Variants in NBAS observed in about 807,000 individuals in gnomAD.
NBAS encodes NAG/BC035112 fusion.
A neutral mutation model predicts 302.5 loss-of-function variants in NBAS; 219 were observed. The ratio of observed to expected loss-of-function variants is 0.72; its 90% CI spans 0.65 to 0.81. The LOEUF (loss-of-function observed/expected upper bound fraction) is 0.81. Ranked by LOEUF, NBAS falls within the 30% of genes least tolerant of loss-of-function variation. NBAS has a pLI of 0.00. For synonymous variants in NBAS, 1,118 were observed against 1,021.6 expected, an observed-to-expected ratio of 1.09 and a Z score of -1.80; for missense variants, 2,932 against 2,841.6, an observed-to-expected ratio of 1.03 and a Z score of -0.72.
chr2:15,412,019 C>T (rs777218251), intron 25 of NBAS, among the ~76,000 whole-genome samples: 2 of 151,960 alleles, frequency 1.3e-5, no homozygotes, highest in Admixed American at 6.6e-5. Context: ...GAAAGGAGTG[C>T]TTTAAGATAC....
the NBAS span, among the ~76,000 whole-genome samples, chr2:14,900,358 T>C: frequency 0.24 from 36,318 of 152,024 alleles, 4,513 homozygotes; most frequent in Non-Finnish European, 0.27. Flanking sequence ...CTGTTTCAGC[T>C]GTATTAAAAG....
At chr2:15,417,049 G>A (rs535457792) in intron 24 of NBAS, among the ~76,000 whole-genome samples, 72 of 152,258 alleles carry the variant, frequency 4.7e-4, no homozygotes, top group Non-Finnish European at 9.4e-4. Flanking sequence ...GTACAAATAA[G>A]GTTCTAATTT....
At chr2:14,824,854 A>G in the NBAS span, among the ~76,000 whole-genome samples, 2 of 152,044 alleles carry the variant, frequency 1.3e-5, no homozygotes, top group Non-Finnish European at 2.9e-5. Context: ...AATTCCACCA[A>G]GCAGTGAGGG....
the NBAS span, among the ~76,000 whole-genome samples, chr2:14,900,064 T>G: frequency 0.24 from 35,963 of 151,072 alleles, 4,434 homozygotes; most frequent in Non-Finnish European, 0.27. Flanking sequence ...CAAAAAGTGG[T>G]TAGAAAGAAT....
At chr2:15,205,827 C>A (rs1222189706) in intron 48 of NBAS, among the ~76,000 whole-genome samples, 1 of 152,142 alleles carries the variant, frequency 6.6e-6, no homozygotes, top group Non-Finnish European at 1.5e-5. Context: ...TTCTCCTTTA[C>A]CTTCTGTCAT....
At chr2:15,325,705 T>A (rs909468741) in intron 38 of NBAS, among the ~76,000 whole-genome samples, 2 of 152,200 alleles carry the variant, frequency 1.3e-5, no homozygotes, top group African/African-American at 4.8e-5. Flanking sequence ...AATAAGGTTG[T>A]TTTGCTTTCT....
intron 8 of NBAS, among the ~76,000 whole-genome samples, chr2:15,535,577 T>TAAA (rs1663464456): frequency 6.7e-6 from 1 of 148,732 alleles, no homozygotes; most frequent in African/African-American, 2.6e-5. Context: ...AATAAAAAAA[T>TAAA]AAAATAAAAT....
chr2:15,241,318 A>C (rs1667857692), intron 44 of NBAS, among the ~76,000 whole-genome samples: 1 of 152,240 alleles, frequency 6.6e-6, no homozygotes, highest in South Asian at 2.1e-4. Flanking sequence ...TTTCAAAAAC[A>C]GACTGGCTAC....
the NBAS span, among the ~76,000 whole-genome samples, chr2:15,121,316 C>T: frequency 6.6e-6 from 1 of 152,158 alleles, no homozygotes; most frequent in Non-Finnish European, 1.5e-5. Context: ...GACTCTGTTG[C>T]CAGGACCAAG....
chr2:15,144,049 A>ATATATATATATTATCC, the NBAS span, among the ~76,000 whole-genome samples: 6 of 86,218 alleles, frequency 7.0e-5, 1 homozygote, highest in East Asian at 1.7e-3. Flanking sequence ...ATATATAAAA[A>ATATATATATATTATCC]TATATATATA....
chr2:15,276,658 A>G (rs1467555582), intron 43 of NBAS, among the ~76,000 whole-genome samples, 193 bp downstream of exon 43: 1 of 152,228 alleles, frequency 6.6e-6, no homozygotes, highest in Non-Finnish European at 1.5e-5. Flanking sequence ...TAGGTTTCTT[A>G]CTTTTTCTGG....
the NBAS span, among the ~76,000 whole-genome samples, chr2:15,145,927 T>A: frequency 6.6e-6 from 1 of 152,040 alleles, no homozygotes; most frequent in Non-Finnish European, 1.5e-5. Flanking sequence ...TCTTCGAGAC[T>A]CCCTGAGTTG....
At chr2:15,239,263 T>C (rs1469008978) in intron 44 of NBAS, among the ~76,000 whole-genome samples, 1 of 152,020 alleles carries the variant, frequency 6.6e-6, no homozygotes, top group South Asian at 2.1e-4. Context: ...CTCTAGATAA[T>C]GTTTACATTA....
chr2:15,534,697 C>A, intron 8 of NBAS, 56 bp from the exon 9 acceptor site: 1 of 1,195,468 alleles, frequency 8.4e-7, no homozygotes, highest in East Asian at 2.3e-5. Context: ...ATGAATATCA[C>A]TAAATACCCA....
At chr2:15,491,880 G>T (rs1005619735) in intron 11 of NBAS, among the ~76,000 whole-genome samples, 2 of 152,074 alleles carry the variant, frequency 1.3e-5, no homozygotes, top group Non-Finnish European at 2.9e-5. Flanking sequence ...TTTGTGATAG[G>T]AGCCTCATCT....
chr2:15,413,089 A>G (rs2148453807), intron 25 of NBAS, among the ~76,000 whole-genome samples: 1 of 152,124 alleles, frequency 6.6e-6, no homozygotes, highest in South Asian at 2.1e-4. Context: ...TCCCCAATAA[A>G]CCCTAACCCA....
chr2:15,305,922 C>A (rs1239587315), intron 40 of NBAS, among the ~76,000 whole-genome samples: 2 of 152,176 alleles, frequency 1.3e-5, no homozygotes, highest in African/African-American at 4.8e-5. Flanking sequence ...TCAATGACAT[C>A]CACTTAGAGA....
chr2:15,269,636 A>T (rs986218634), intron 44 of NBAS, among the ~76,000 whole-genome samples: 1 of 152,230 alleles, frequency 6.6e-6, no homozygotes, highest in African/African-American at 2.4e-5. Context: ...GAGATTTTTT[A>T]AAATATTCTC....
chr2:15,535,244 A>G (rs1663429551), intron 8 of NBAS, among the ~76,000 whole-genome samples: 1 of 152,192 alleles, frequency 6.6e-6, no homozygotes, highest in South Asian at 2.1e-4. Flanking sequence ...ATAGTAGGCC[A>G]GGCGCAGTGG....
Sources: allele counts gnomAD v4.1 joint callset (sites outside exome capture counted in the v4.1 genomes callset), GRCh38; gene constraint gnomAD v4.1.1; transcripts MANE v1.5; gene names NCBI Gene and HGNC (gene_info 2026-07-23, HGNC 2026-07-21).